Variants in STT3B observed in about 807,000 individuals in gnomAD.
The protein encoded by STT3B is STT3 oligosaccharyltransferase complex catalytic subunit B.
Under a neutral mutation model 96.8 loss-of-function variants are expected in STT3B, and 29 were observed. The ratio of observed to expected loss-of-function variants is 0.30; its 90% confidence interval spans 0.22 to 0.41. The LOEUF (loss-of-function observed/expected upper bound fraction) is 0.41. Ranked by LOEUF, STT3B falls within the 10% of genes least tolerant of loss-of-function variation. STT3B has a pLI of 1.00. For missense variants in STT3B, 640 were observed against 1,022.3 expected (o/e 0.63, Z 5.10); for synonymous variants, 367 against 360.0 (o/e 1.02, Z -0.22).
rs528651912 is a variant in STT3B at position 31,591,679 on chromosome 3, G to A, written c.712-5119G>A. 9.0e-4 allele frequency among the ~76,000 whole-genome samples: 137 copies of A among 151,798 alleles called. 1 individual carries two copies. The highest frequency in any genetic ancestry group is 5.0e-3 in the South Asian group (24 of 4,810). On this transcript the variant is annotated intron_variant, in intron 3 of 15. Transcript: ENST00000295770. ...TCCTCTCCTCTGTGCTGTTATTGTCGTATGTATTATATCTATGTATGTTAT... is the reference window on the plus strand; with the variant it reads ...TCCTCTCCTCTGTGCTGTTATTGTCATATGTATTATATCTATGTATGTTAT...
At chr3:31,550,180 G>A (rs2125439529) in intron 1 of STT3B, among the ~76,000 whole-genome samples, 2 of 152,162 alleles carry the variant, frequency 1.3e-5, no homozygotes, top group Middle Eastern at 6.8e-3. Context: ...ATTAAGAGAT[G>A]GTACTAAAAT....
chr3:31,553,900 A>C (rs1697630749), intron 1 of STT3B, among the ~76,000 whole-genome samples: 1 of 152,102 alleles, frequency 6.6e-6, no homozygotes, highest in African/African-American at 2.4e-5. Flanking sequence ...AGAATGCCCA[A>C]GTTTATTGGC....
intron 1 of STT3B, among the ~76,000 whole-genome samples, chr3:31,572,040 T>TATATTAATATATATTAATATATGAC (rs1698163282): frequency 2.1e-5 from 1 of 46,536 alleles, no homozygotes; most frequent in East Asian, 4.4e-4. Flanking sequence ...TAATATATGA[T>TATATTAATATATATTAATATATGAC]ATATTAATAT....
chr3:31,632,614 T>G (rs1424769437), intron 14 of STT3B, among the ~76,000 whole-genome samples: 9 of 151,586 alleles, frequency 5.9e-5, no homozygotes, highest in Non-Finnish European at 1.0e-4. Flanking sequence ...GGGTGTGTTC[T>G]GTCTGTATAC....
chr3:31,634,702 CT>C (rs1559395744), intron 15 of STT3B, among the ~76,000 whole-genome samples: 4 of 152,124 alleles, frequency 2.6e-5, no homozygotes, highest in Admixed American at 2.6e-4. Flanking sequence ...GCAGAAAAGG[CT>C]TTTTGGCACA....
chr3:31,535,678 G>A (rs1043917302), intron 1 of STT3B, among the ~76,000 whole-genome samples: 4 of 152,112 alleles, frequency 2.6e-5, no homozygotes, highest in East Asian at 1.9e-4. Context: ...AGCCGAGATC[G>A]CGCCACTGCA....
At chr3:31,634,976 A>G (rs1699731835) in intron 15 of STT3B, among the ~76,000 whole-genome samples, 1 of 152,230 alleles carries the variant, frequency 6.6e-6, no homozygotes, top group Non-Finnish European at 1.5e-5. Context: ...TAGTACCTTA[A>G]GAAGGATTGC....
At chr3:31,560,222 A>G (rs1697841037) in intron 1 of STT3B, among the ~76,000 whole-genome samples, 1 of 151,966 alleles carries the variant, frequency 6.6e-6, no homozygotes, top group African/African-American at 2.4e-5. Context: ...TATTCCTGTC[A>G]TTTTATTAAT....
intron 1 of STT3B, among the ~76,000 whole-genome samples, chr3:31,533,891 G>T (rs148402581): frequency 4.6e-5 from 7 of 152,314 alleles, no homozygotes; most frequent in Admixed American, 2.0e-4. Context: ...TTCTTTTTAT[G>T]CTCTCATGAT....
chr3:31,576,908 C>A (rs1698277014), intron 2 of STT3B, among the ~76,000 whole-genome samples: 1 of 151,928 alleles, frequency 6.6e-6, no homozygotes, highest in Admixed American at 6.6e-5. Context: ...ATTTTTCAGG[C>A]CCTGAATATG....
intron 3 of STT3B, among the ~76,000 whole-genome samples, chr3:31,595,803 G>A (rs369323638): frequency 2.0e-5 from 3 of 152,274 alleles, no homozygotes; most frequent in African/African-American, 4.8e-5. Flanking sequence ...TCCACTGTGG[G>A]TGATTGATTG....
chr3:31,592,717 AT>A (rs1698693348), intron 3 of STT3B, among the ~76,000 whole-genome samples: 1 of 152,128 alleles, frequency 6.6e-6, no homozygotes, highest in Admixed American at 6.6e-5. Context: ...CTTATTGCCC[AT>A]TTGTAAAGGC....
At chr3:31,593,585 T>C (rs897143999) in intron 3 of STT3B, among the ~76,000 whole-genome samples, 1 of 152,168 alleles carries the variant, frequency 6.6e-6, no homozygotes, top group African/African-American at 2.4e-5. Context: ...CTCTGTTCTT[T>C]GGGTTGGATA....
intron 3 of STT3B, among the ~76,000 whole-genome samples, chr3:31,589,875 G>T (rs991553182): frequency 6.6e-6 from 1 of 151,498 alleles, no homozygotes; most frequent in African/African-American, 2.4e-5. Flanking sequence ...CTAACATCAC[G>T]TTGGACAGGG....
At chr3:31,538,624 T>C (rs1481016592) in intron 1 of STT3B, among the ~76,000 whole-genome samples, 1 of 152,042 alleles carries the variant, frequency 6.6e-6, no homozygotes, top group East Asian at 1.9e-4. Context: ...ATGGTTTAGC[T>C]TTAGTGTGAT....
intron 5 of STT3B, among the ~76,000 whole-genome samples, chr3:31,614,589 A>G (rs755467314): frequency 1.3e-5 from 2 of 151,930 alleles, no homozygotes; most frequent in Non-Finnish European, 2.9e-5. Context: ...AACTTGGTGG[A>G]CATATGAATT....
chr3:31,596,145 G>T (rs1698788523), intron 3 of STT3B, among the ~76,000 whole-genome samples: 1 of 152,176 alleles, frequency 6.6e-6, no homozygotes, highest in African/African-American at 2.4e-5. Flanking sequence ...CAATTGGATT[G>T]AGTCTGGGGA....
intron 1 of STT3B, among the ~76,000 whole-genome samples, chr3:31,549,351 T>C (rs1207796496): frequency 1.3e-5 from 2 of 152,138 alleles, no homozygotes; most frequent in Non-Finnish European, 2.9e-5. Context: ...TTGAGTATTA[T>C]ACCACTAACT....
intron 9 of STT3B, chr3:31,620,356 G>A (rs57225728): frequency 0.053 from 8,052 of 152,092 alleles, 731 homozygotes; most frequent in African/African-American, 0.18. Flanking sequence ...AGTATATTAT[G>A]GTTTCTGAGA....
Sources: allele counts gnomAD v4.1 joint callset (sites outside exome capture counted in the v4.1 genomes callset), GRCh38; gene constraint gnomAD v4.1.1; transcripts MANE v1.5; gene names NCBI Gene and HGNC (gene_info 2026-07-23, HGNC 2026-07-21).